The following MLPH variants were observed in gnomAD, a reference collection of about 807,000 sequenced individuals.
The protein encoded by MLPH is exophilin-3.
In MLPH, 51 loss-of-function variants were observed where a neutral mutation model predicts 72.1. The ratio of observed to expected loss-of-function variants is 0.71; its 90% CI spans 0.56 to 0.89. The LOEUF (loss-of-function observed/expected upper bound fraction) is 0.89. MLPH is among the 40% of genes least tolerant of loss of function. MLPH has a pLI of 0.00. For missense variants in MLPH, 743 were observed against 759.9 expected (o/e 0.98, Z 0.26); for synonymous variants, 301 against 310.1 (o/e 0.97, Z 0.31).
chr2:237,537,826 C>T (rs2106369015), intron 9 of MLPH: 1 of 152,338 alleles, frequency 6.6e-6, no homozygotes, highest in African/African-American at 2.4e-5. Context: ...TCCCTCCCAG[C>T]CCTCCAGTGT....
At chr2:237,519,798 C>A in intron 5 of MLPH, 112 bp from the exon 6 acceptor site, 1 of 1,499,924 alleles carries the variant, frequency 6.7e-7, no homozygotes, top group Non-Finnish European at 9.3e-7. Flanking sequence ...GGGAGAGGAG[C>A]CTGCCCCGCC....
chr2:237,527,684 G>T, intron 8 of MLPH, 168 bp downstream of exon 8: 1 of 864,146 alleles, frequency 1.2e-6, no homozygotes. Flanking sequence ...TTGTGGAAGT[G>T]AATTCACATA....
intron 5 of MLPH, 57 bp from the exon 6 acceptor site, chr2:237,519,853 G>A: frequency 1.2e-6 from 2 of 1,613,338 alleles, no homozygotes; most frequent in Non-Finnish European, 1.7e-6. Context: ...AGGGTATTTG[G>A]TCCTCTCCCT....
At chr2:237,511,655 G>A (rs1332243735) in intron 4 of MLPH, 1 of 155,544 alleles carries the variant, frequency 6.4e-6, no homozygotes, top group Non-Finnish European at 1.4e-5. Flanking sequence ...CTGGTTTGGG[G>A]CCTAGGCTCT....
At chr2:237,523,662 AAAG>A (rs138266019) in intron 6 of MLPH, among the ~76,000 whole-genome samples, 1,712 of 152,330 alleles carry the variant, frequency 0.011, 30 homozygotes, top group African/African-American at 0.039. Context: ...TTTCTCGTGT[AAAG>A]AAGGTTTAAT....
intron 8 of MLPH, among the ~76,000 whole-genome samples, chr2:237,533,678 G>A (rs1284261663): frequency 1.3e-5 from 2 of 152,236 alleles, no homozygotes; most frequent in African/African-American, 4.8e-5. Context: ...CAGAGGATGT[G>A]TGCTGAGTGC....
At chr2:237,496,714 TA>T (rs141640540) in intron 2 of MLPH, among the ~76,000 whole-genome samples, 8,703 of 152,134 alleles carry the variant, frequency 0.057, 729 homozygotes, top group African/African-American at 0.18. Context: ...GCTATGTGAT[TA>T]GGGGGGGGCT....
At chr2:237,524,160 G>A (rs1237949014) in intron 6 of MLPH, among the ~76,000 whole-genome samples, 7 of 151,756 alleles carry the variant, frequency 4.6e-5, no homozygotes, top group Non-Finnish European at 2.9e-5. Flanking sequence ...TTAAGTTGCG[G>A]GAGCCGAAAT....
At position 237,520,020 on chromosome 2, in the gene MLPH, C is replaced by G; in HGVS notation, c.666C>G (p.Asp222Glu). Residue 222 changes from aspartate (D) to glutamate (E), a missense_variant, in exon 6 of 16, where the codon GAC becomes GAG. By Grantham distance (45) the Asp-to-Glu change is conservative. Transcript: ENST00000264605. ...TGTCCTCAGTCCCTGAGGCCAGGGA[C>G]AGCCCACAGGTCAGTGGGTCCTCGT... ...LHLSSVPEAR[D>E]SPQSLTDESC... is the part of the protein sequence containing the mutation. 1 of 1,613,932 alleles carries G rather than the reference C, an allele frequency of 6.2e-7. No homozygotes were observed. Among genetic ancestry groups the G allele is most frequent in the Non-Finnish European group, 8.5e-7 (1 of 1,179,998 alleles).
rs769283076 is a variant in MLPH at position 237,519,928 on chromosome 2, G to A, written c.574G>A (p.Val192Ile). 29 of 1,613,828 alleles carry A rather than the reference G, an allele frequency of 1.8e-5. No individual in the cohort carries two copies. The highest frequency in any genetic ancestry group is 6.7e-5 in the East Asian group (3 of 44,874). The change falls in exon 6 of 16, where the codon GTC (valine) becomes ATC (isoleucine). Residue 192 changes from valine (V) to isoleucine (I), a missense_variant. Physicochemically the swap from Val to Ile is conservative, Grantham distance 29 (BLOSUM62 3). Transcript: ENST00000264605. Reference sequence around the variant, plus strand: ...TGCTAAGAAAAAGCGCCTCCTCTCCGTCCACGACTTCGACTTCGAGGGAGA... The same window carrying A: ...TGCTAAGAAAAAGCGCCTCCTCTCCATCCACGACTTCGACTTCGAGGGAGA... ...FGSKKKRLLS[V>I]HDFDFEGDSD...
Position 237,512,363 on chromosome 2 carries a change from C to T in MLPH, c.445+1262C>T, listed in dbSNP as rs1046537647. 1.3e-5 allele frequency among the ~76,000 whole-genome samples: 2 copies of T among 152,160 alleles called. No homozygotes were observed. Among genetic ancestry groups the T allele is most frequent in the African/African-American group, 4.8e-5 (2 of 41,430 alleles). ...ATCGTTTAATTTAGGACAGAGGCCA[C>T]GGAGAGGCACCGCTGGAGCAGTACA... On this transcript the variant is annotated intron_variant, in intron 4 of 15. Transcript: ENST00000264605. The surrounding 1 kb of genome is among the most constrained non-coding windows in gnomAD (Gnocchi z 5.5).
intron 5 of MLPH, among the ~76,000 whole-genome samples, 181 bp downstream of exon 5, chr2:237,518,829 C>A (rs2080110587): frequency 6.6e-6 from 1 of 152,242 alleles, no homozygotes; most frequent in Non-Finnish European, 1.5e-5. Flanking sequence ...GATCATTGGG[C>A]ACCAGGCAGG....
In MLPH at chr2:237,493,387, T is replaced by C; in HGVS notation, c.-24-16T>C. On this transcript the variant is annotated splice_polypyrimidine_tract_variant and intron_variant, in intron 1 of 15. Coordinates refer to ENST00000264605, the MANE Select transcript of MLPH (RefSeq NM_024101.7). ...GGCTTCTGGGACTGATGACTTGTGA[T>C]CCTGTGACATTCCAGGTGTGACCCC... is the stretch of plus-strand genomic sequence containing the variant. 6.6e-7 allele frequency: 1 copy of C among 1,521,460 alleles called. No homozygotes were observed. The highest frequency in any genetic ancestry group is 9.1e-7 in the Non-Finnish European group (1 of 1,095,882). The allele number at this position is 1,521,460 out of a possible 1,614,324, so 94.2% of individuals were successfully genotyped here.
In MLPH at chr2:237,540,473, C is replaced by T. The variant is rs921778262; in HGVS notation, c.1230C>T (p.Asp410=). 29 of 1,613,164 alleles carry T rather than the reference C, an allele frequency of 1.8e-5. No homozygotes were observed. The highest frequency in any genetic ancestry group is 3.4e-4 in the Middle Eastern group (2 of 5,844). The change falls in exon 10 of 16, where the codon GAC becomes GAT. Residue 410 remains aspartate (D), a synonymous_variant. Coordinates refer to ENST00000264605, the MANE Select transcript of MLPH (RefSeq NM_024101.7). ...CGTCCGAGGAGGAGGAAGCCAAGGA[C>T]GAAAAGGCAGAGCCCAACAGGGACA... The part of the protein sequence containing the change: ...ETSSEEEEAK[D]EKAEPNRDKS...
At chr2:237,511,787 A>G (rs2079908686) in intron 4 of MLPH, among the ~76,000 whole-genome samples, 1 of 152,220 alleles carries the variant, frequency 6.6e-6, no homozygotes, top group Admixed American at 6.5e-5. Flanking sequence ...TTTGAAATCC[A>G]GGCAGTAGGC....
chr2:237,500,219 C>A (rs368320347), intron 2 of MLPH, among the ~76,000 whole-genome samples: 5 of 152,156 alleles, frequency 3.3e-5, no homozygotes, highest in African/African-American at 1.2e-4. Context: ...TTCGCAGGGT[C>A]GAGGGCCCTG....
intron 8 of MLPH, among the ~76,000 whole-genome samples, chr2:237,528,716 AC>A (rs368279131): frequency 2.4e-4 from 37 of 151,268 alleles, no homozygotes; most frequent in African/African-American, 7.3e-4. Context: ...AAACAACTTC[AC>A]CCCCCAAAAA....
intron 1 of MLPH, among the ~76,000 whole-genome samples, chr2:237,487,672 G>C (rs1271101186): frequency 6.6e-6 from 1 of 152,236 alleles, no homozygotes; most frequent in Admixed American, 6.5e-5. Context: ...GTGCAGGCAC[G>C]GGTGGGAGTG....
intron 4 of MLPH, among the ~76,000 whole-genome samples, chr2:237,515,074 A>G (rs2079985433): frequency 6.6e-6 from 1 of 152,250 alleles, no homozygotes; most frequent in Admixed American, 6.5e-5. Context: ...GGAAAACTGT[A>G]CAATGAGACT....
Sources: allele counts gnomAD v4.1 joint callset (sites outside exome capture counted in the v4.1 genomes callset), GRCh38; gene constraint gnomAD v4.1.1; non-coding constraint Gnocchi (gnomAD v3.1); transcripts MANE v1.5; gene names NCBI Gene and HGNC (gene_info 2026-07-23, HGNC 2026-07-21).